Variants in HCK observed in about 807,000 individuals in gnomAD.
The protein encoded by HCK is HCK proto-oncogene, Src family tyrosine kinase, also known as tyrosine-protein kinase HCK.
Under a neutral mutation model 70.4 loss-of-function variants are expected in HCK, and 40 were observed. The ratio of observed to expected loss-of-function variants is 0.57; its 90% CI spans 0.44 to 0.74. The LOEUF is 0.74. Ranked by LOEUF, HCK falls within the 30% of genes least tolerant of loss-of-function variation. The pLI is 0.00. For synonymous variants in HCK, 245 were observed against 263.2 expected (o/e 0.93, Z 0.67); for missense variants, 568 against 697.2 (o/e 0.81, Z 2.09).
intron 5 of HCK, among the ~76,000 whole-genome samples, chr20:32,077,059 G>A (rs1385245492): frequency 6.6e-6 from 1 of 152,112 alleles, no homozygotes; most frequent in East Asian, 1.9e-4. Flanking sequence ...ACTCCAGCCT[G>A]GACAACAGAG....
At chr20:32,054,347 T>C (rs1211870133) in intron 1 of HCK, 1 of 455,120 alleles carries the variant, frequency 2.2e-6, no homozygotes, top group East Asian at 7.0e-5. Flanking sequence ...CAGTGGTTCA[T>C]GCCTGTAATC....
At chr20:32,086,870 G>A in intron 9 of HCK, 63 bp downstream of exon 9, 1 of 1,450,482 alleles carries the variant, frequency 6.9e-7, no homozygotes, top group South Asian at 1.4e-5. Flanking sequence ...CGGGCCCAAG[G>A]GTGGCTTGGA....
At chr20:32,098,885 T>C (rs2045993365) in intron 11 of HCK, 119 bp from the exon 12 acceptor site, 6 of 1,100,452 alleles carry the variant, frequency 5.5e-6, no homozygotes, top group Middle Eastern at 2.7e-4. Flanking sequence ...ATCAGGGAAA[T>C]TGCAGGTCTG....
chr20:32,070,284 G>A (rs2045518465), intron 1 of HCK, among the ~76,000 whole-genome samples: 1 of 152,114 alleles, frequency 6.6e-6, no homozygotes. Context: ...TATTTAAAGT[G>A]CAAATTGAAT....
Position 32,101,570 on chromosome 20 carries a change from T to C in HCK, c.*51T>C, listed in dbSNP as rs759440492. ...GGGTGCCCAGGTGGTGGCTGCAAGG[T>C]GGCTCCAGCACCATCCGCCAGGGCC... is the stretch of plus-strand genomic sequence containing the variant. On this transcript the variant is annotated 3_prime_UTR_variant, in exon 13 of 13. Transcript: ENST00000375852. 6.6e-7 allele frequency: 1 copy of C among 1,511,578 alleles called. No homozygotes were observed. The highest frequency in any genetic ancestry group is 2.3e-5 in the East Asian group (1 of 43,324). 93.6% of individuals were successfully genotyped at this position (1,511,578 alleles called of 1,614,324 possible).
intron 1 of HCK, among the ~76,000 whole-genome samples, chr20:32,053,203 G>C (rs1350335577): frequency 6.6e-6 from 1 of 152,170 alleles, no homozygotes; most frequent in Non-Finnish European, 1.5e-5. Flanking sequence ...CAGGCTAGTG[G>C]GTAGCGGAGG....
At chr20:32,068,072 G>C (rs1401560925) in intron 1 of HCK, among the ~76,000 whole-genome samples, 1 of 152,080 alleles carries the variant, frequency 6.6e-6, no homozygotes, top group South Asian at 2.1e-4. Context: ...CAAGGAGGAC[G>C]GATCACCTGA....
chr20:32,099,350 C>CT (rs71336559), intron 12 of HCK, among the ~76,000 whole-genome samples: 3,360 of 85,180 alleles, frequency 0.039, 202 homozygotes, highest in Non-Finnish European at 0.05. Flanking sequence ...ACTCCTATGA[C>CT]TTTTTTTTTT....
chr20:32,084,816 G>C (rs2045760906), intron 8 of HCK, among the ~76,000 whole-genome samples: 1 of 152,238 alleles, frequency 6.6e-6, no homozygotes, highest in Admixed American at 6.5e-5. Context: ...CTCATACGGA[G>C]TGGGGACTGC....
chr20:32,094,705 A>AAAGAAAGAAAGAAAGAACG (rs1229852866), intron 11 of HCK, among the ~76,000 whole-genome samples: 1 of 74,890 alleles, frequency 1.3e-5, no homozygotes, highest in African/African-American at 7.8e-5. Context: ...AAAAGAAAAG[A>AAAGAAAGAAAGAAAGAACG]AAAGAAAGAA....
At chr20:32,088,060 C>A (rs879470713) in intron 9 of HCK, among the ~76,000 whole-genome samples, 2 of 152,080 alleles carry the variant, frequency 1.3e-5, no homozygotes, top group Non-Finnish European at 1.5e-5. Context: ...CTGAGCCTGG[C>A]CTAACATATA....
chr20:32,072,563 T>TAAAAAAAAAAAA (rs199684278), intron 2 of HCK: 24 of 63,194 alleles, frequency 3.8e-4, no homozygotes, highest in African/African-American at 1.7e-3. Flanking sequence ...CCTGTCTCTT[T>TAAAAAAAAAAAA]AAAAAAAAAA....
chr20:32,091,691 G>T (rs1295555904), intron 10 of HCK, among the ~76,000 whole-genome samples: 2 of 151,814 alleles, frequency 1.3e-5, no homozygotes. Flanking sequence ...AAAAATTTGG[G>T]TCTCTGGGTC....
At chr20:32,086,483 AG>A in intron 8 of HCK, 144 bp from the exon 9 acceptor site, 1 of 668,652 alleles carries the variant, frequency 1.5e-6, no homozygotes, top group African/African-American at 1.8e-5. Flanking sequence ...CTGAGGCCTA[AG>A]CCCATGATTT....
At chr20:32,081,773 C>T (rs1353613720) in intron 6 of HCK, among the ~76,000 whole-genome samples, 1 of 152,200 alleles carries the variant, frequency 6.6e-6, no homozygotes, top group Non-Finnish European at 1.5e-5. Context: ...AGCGCTTCTC[C>T]TCTCTAGCTG....
At chr20:32,056,519 A>C (rs887408625) in intron 1 of HCK, among the ~76,000 whole-genome samples, 2 of 150,882 alleles carry the variant, frequency 1.3e-5, no homozygotes, top group Non-Finnish European at 3.0e-5. Flanking sequence ...CCTTCTCAGA[A>C]AAAAAAAAAA....
intron 5 of HCK, among the ~76,000 whole-genome samples, chr20:32,078,355 G>A (rs1372263286): frequency 6.6e-6 from 1 of 151,946 alleles, no homozygotes; most frequent in African/African-American, 2.4e-5. Flanking sequence ...GGGGGAGACA[G>A]TTCTTAGTCT....
chr20:32,098,892 T>C, intron 11 of HCK, 112 bp from the exon 12 acceptor site: 2 of 1,193,092 alleles, frequency 1.7e-6, no homozygotes, highest in South Asian at 2.9e-5. Context: ...AAATTGCAGG[T>C]CTGCAGGGGC....
At chr20:32,076,815 G>A (rs1217832596) in intron 5 of HCK, among the ~76,000 whole-genome samples, 1 of 152,042 alleles carries the variant, frequency 6.6e-6, no homozygotes, top group African/African-American at 2.4e-5. Flanking sequence ...GCCAGGTGTG[G>A]TGGCTCACAC....
Sources: gnomAD v4.1 joint callset for allele counts (sites outside exome capture counted in the v4.1 genomes callset) on GRCh38, gnomAD v4.1.1 for gene constraint, MANE v1.5 for transcripts, NCBI Gene and HGNC (gene_info 2026-07-23, HGNC 2026-07-21) for gene names.